The following CYFIP2 variants were observed in gnomAD, a reference collection of about 807,000 sequenced individuals.
CYFIP2 encodes cytoplasmic FMR1 interacting protein 2.
In CYFIP2, 29 loss-of-function variants were observed where a neutral mutation model predicts 158.7. That is an observed-to-expected ratio of 0.18 (90% CI 0.14 to 0.25). CYFIP2 has a LOEUF of 0.25. Among genes scored for constraint, CYFIP2 ranks in the 10% least tolerant of loss-of-function variants. The pLI is 1.00. For synonymous variants in CYFIP2, 585 were observed against 617.6 expected (o/e 0.95, Z 0.78); for missense variants, 852 against 1,639.5 (o/e 0.52, Z 8.29).
At chr5:157,371,177 G>T (rs192261955) in intron 26 of CYFIP2, among the ~76,000 whole-genome samples, 1 of 152,072 alleles carries the variant, frequency 6.6e-6, no homozygotes, top group Non-Finnish European at 1.5e-5. Flanking sequence ...CTGTATCCTC[G>T]GGGCTTAACA....
chr5:157,308,565 G>C (rs1028097166), intron 9 of CYFIP2, among the ~76,000 whole-genome samples: 6 of 152,232 alleles, frequency 3.9e-5, no homozygotes, highest in Non-Finnish European at 5.9e-5. Flanking sequence ...GAGCAAGCCT[G>C]AGAGGTCAGT....
chr5:157,342,917 G>T, intron 23 of CYFIP2: 4 of 1,614,126 alleles, frequency 2.5e-6, no homozygotes, highest in Non-Finnish European at 3.4e-6. Flanking sequence ...CCTCTGTAAG[G>T]CACCCGCATC....
In CYFIP2 at chr5:157,394,489, A is replaced by T. The variant is rs911404258; in HGVS notation, c.*1489A>T. ...GATGCACTTATGTCCTCCGGTGAGG[A>T]AAGGGGGCCACATATGAAAGGCCCC... On this transcript the variant is annotated 3_prime_UTR_variant, in exon 31 of 31. Transcript: ENST00000620254. 1.3e-5 allele frequency: 2 copies of T among 152,200 alleles called. No homozygotes were observed. Among genetic ancestry groups the T allele is most frequent in the Non-Finnish European group, 2.9e-5 (2 of 68,028 alleles). 9.4% of individuals were successfully genotyped at this position (152,200 alleles called of 1,614,324 possible).
In CYFIP2 at chr5:157,293,010, A is replaced by ATATGTATG. The variant is rs57500401; in HGVS notation, c.208-1723_208-1716dup. On this transcript the variant is annotated intron_variant, in intron 3 of 30. Coordinates refer to ENST00000620254, the MANE Select transcript of CYFIP2 (RefSeq NM_001037333.3). ...TGATGAAGCTGGGATTTGAGCCCAG[A>ATATGTATG]TATGTATGTATGTATGTATGTATGT... 5.1e-3 allele frequency among the ~76,000 whole-genome samples: 736 copies of ATATGTATG among 144,354 alleles called. 6 individuals carry two copies. Among genetic ancestry groups the ATATGTATG allele is most frequent in the East Asian group, 0.018 (85 of 4,828 alleles). The allele number at this position is 144,354 out of a possible 152,430, so 94.7% of individuals were successfully genotyped here. A position where few individuals can be genotyped will look rare whatever the true frequency, so the allele number is the denominator to read the frequency against.
In CYFIP2 at chr5:157,394,378, G is replaced by A. The variant is rs1210790224; in HGVS notation, c.*1378G>A. ...ACATTTGATATTTCTCCAGCCCAGG[G>A]AAGTAAGATGGTTAGCAATGGTTGC... On this transcript the variant is annotated 3_prime_UTR_variant, in exon 31 of 31. Transcript: ENST00000620254. 6.6e-6 allele frequency: 1 copy of A among 152,216 alleles called. No homozygotes were observed. The highest frequency in any genetic ancestry group is 1.5e-5 in the Non-Finnish European group (1 of 68,054). 9.4% of individuals were successfully genotyped at this position (152,216 alleles called of 1,614,324 possible).
intron 26 of CYFIP2, among the ~76,000 whole-genome samples, chr5:157,382,299 A>G (rs1218829377): frequency 6.6e-6 from 1 of 152,236 alleles, no homozygotes; most frequent in African/African-American, 2.4e-5. Flanking sequence ...ATAAGATTAT[A>G]GTAAAAATGT....
intron 12 of CYFIP2, 38 bp from the exon 13 acceptor site, chr5:157,314,931 C>T: frequency 6.7e-7 from 1 of 1,488,890 alleles, no homozygotes; most frequent in South Asian, 1.2e-5. Flanking sequence ...GTCCGTTCAT[C>T]AGTTGATGGA....
At position 157,342,884 on chromosome 5, in the gene CYFIP2, A is replaced by G. The variant is rs754179786; in HGVS notation, c.2673+1727A>G. 7 of 1,613,484 alleles carry G rather than the reference A, an allele frequency of 4.3e-6. No individual in the cohort carries two copies. The South Asian group carries it at 7.7e-5, about 18-fold the overall frequency. On this transcript the variant is annotated intron_variant, in intron 23 of 30. Coordinates refer to ENST00000620254, the MANE Select transcript of CYFIP2 (RefSeq NM_001037333.3). Reference sequence around the variant, plus strand: ...CTCTCATTCCCCACAATGAGGCAGTATAGCGGGTGGGTCACCACCCCCCCT... The same window carrying G: ...CTCTCATTCCCCACAATGAGGCAGTGTAGCGGGTGGGTCACCACCCCCCCT...
chr5:157,302,790 T>A lies in CYFIP2; in HGVS notation c.570-4T>A. 6.4e-7 allele frequency: 1 copy of A among 1,572,362 alleles called. No homozygotes were observed. Among genetic ancestry groups the A allele is most frequent in the Non-Finnish European group, 8.6e-7 (1 of 1,158,232 alleles). On this transcript the variant is annotated splice_region_variant and splice_polypyrimidine_tract_variant and intron_variant, in intron 6 of 30. Coordinates refer to ENST00000620254, the MANE Select transcript of CYFIP2 (RefSeq NM_001037333.3). ...CTCTGCAGCACCCACTATCTGCGTT[T>A]CAGGGCAGCACAGTTCCTGCGGAAG...
intron 1 of CYFIP2, among the ~76,000 whole-genome samples, chr5:157,282,098 T>C (rs1364367538): frequency 6.6e-6 from 1 of 152,208 alleles, no homozygotes; most frequent in Non-Finnish European, 1.5e-5. Flanking sequence ...ATTCTTGCAC[T>C]GCTATAAAGA....
intron 26 of CYFIP2, among the ~76,000 whole-genome samples, chr5:157,369,856 C>A (rs1764801390): frequency 6.7e-6 from 1 of 148,826 alleles, no homozygotes; most frequent in Admixed American, 6.7e-5. Context: ...ACAAGGAAAA[C>A]AAAATCCTTG....
chr5:157,342,833 A>G lies in CYFIP2; in HGVS notation c.2673+1676A>G, dbSNP rs73815845. On this transcript the variant is annotated intron_variant, in intron 23 of 30. Coordinates refer to ENST00000620254, the MANE Select transcript of CYFIP2 (RefSeq NM_001037333.3). ...CCTACTGTGTGGAAAGCTTTAGGCT[A>G]CATGATGCGGGCGCTCTCCTCCCCA... The G allele has an allele frequency of 2.1e-3, 3,249 of 1,583,980 alleles. 68 individuals are homozygous for G. In the African/African-American group the frequency reaches 0.038, roughly 18 times the overall value.
intron 1 of CYFIP2, among the ~76,000 whole-genome samples, chr5:157,282,819 T>C (rs1169908897): frequency 6.6e-6 from 1 of 152,218 alleles, no homozygotes; most frequent in African/African-American, 2.4e-5. Context: ...ATGGTGTATC[T>C]CCTTGTAAGT....
At chr5:157,346,740 G>A (rs1218780641) in intron 23 of CYFIP2, among the ~76,000 whole-genome samples, 2 of 152,288 alleles carry the variant, frequency 1.3e-5, no homozygotes, top group East Asian at 1.9e-4. Context: ...TTCCAGCTGG[G>A]TGCAGAAACA....
At chr5:157,328,843 A>G (rs1477957456) in intron 19 of CYFIP2, among the ~76,000 whole-genome samples, 1 of 152,220 alleles carries the variant, frequency 6.6e-6, no homozygotes, top group African/African-American at 2.4e-5. Context: ...TCAGAGATGT[A>G]TCAAGCTTTA....
intron 5 of CYFIP2, among the ~76,000 whole-genome samples, chr5:157,300,201 T>C (rs912980265): frequency 2.6e-5 from 4 of 152,060 alleles, no homozygotes; most frequent in African/African-American, 7.2e-5. Flanking sequence ...ATGCATTGGT[T>C]TGAGTCACAT....
At chr5:157,294,929 A>C in intron 4 of CYFIP2, 69 bp downstream of exon 4, 2 of 1,297,582 alleles carry the variant, frequency 1.5e-6, no homozygotes, top group Non-Finnish European at 2.2e-6. Context: ...TTCATCCCCA[A>C]ACCAGAGAGC....
rs1171870742 is a variant in CYFIP2 at position 157,394,099 on chromosome 5, G to T, written c.*1099G>T. The T allele has an allele frequency of 6.6e-6, 1 of 152,096 alleles. No individual in the cohort carries two copies. Among genetic ancestry groups the T allele is most frequent in the Non-Finnish European group, 1.5e-5 (1 of 68,018 alleles). 9.4% of individuals were successfully genotyped at this position (152,096 alleles called of 1,614,324 possible). A position where few individuals can be genotyped will look rare whatever the true frequency, so the allele number is the denominator to read the frequency against. Reference sequence around the variant, plus strand: ...TTGTCCTAGAAGCTGAAAGATTCTTGGAACATTTTAGCTTTTACTCTCAAC... The same window carrying T: ...TTGTCCTAGAAGCTGAAAGATTCTTTGAACATTTTAGCTTTTACTCTCAAC... On this transcript the variant is annotated 3_prime_UTR_variant, in exon 31 of 31. Transcript: ENST00000620254.
chr5:157,331,111 CTCA>C (rs1761424038), intron 20 of CYFIP2, among the ~76,000 whole-genome samples: 1 of 152,118 alleles, frequency 6.6e-6, no homozygotes, highest in Admixed American at 6.5e-5. Flanking sequence ...CCTTTGTCTT[CTCA>C]TCATAACCTG....
Sources: allele counts gnomAD v4.1 joint callset (sites outside exome capture counted in the v4.1 genomes callset), GRCh38; gene constraint gnomAD v4.1.1; transcripts MANE v1.5; gene names NCBI Gene and HGNC (gene_info 2026-07-23, HGNC 2026-07-21).